The following XG variants were observed in gnomAD, a reference collection of about 807,000 sequenced individuals.
XG encodes Xg glycoprotein (Xg blood group).
A neutral mutation model predicts 25.7 loss-of-function variants in XG; 24 were observed. The ratio of observed to expected loss-of-function variants is 0.93; its 90% CI spans 0.68 to 1.31. The LOEUF is 1.31. Ranked by LOEUF, XG falls within the 40% of genes most tolerant of loss-of-function variation. XG has a pLI of 0.00. For missense variants in XG, 181 were observed against 187.6 expected (o/e 0.96, Z 0.21); for synonymous variants, 77 against 69.2 (o/e 1.11, Z -0.56).
chrX:2,757,805 C>G (rs1321269576), intron 1 of XG, among the ~76,000 whole-genome samples: 1 of 151,144 alleles, frequency 6.6e-6, no homozygotes, highest in African/African-American at 2.4e-5. Flanking sequence ...AACGCTGTTT[C>G]TACTAAAAAT....
At chrX:2,812,882 G>C (rs1204426488) in intron 10 of XG, among the ~76,000 whole-genome samples, 3 of 112,000 alleles carry the variant, frequency 2.7e-5, no homozygotes, top group Non-Finnish European at 5.6e-5. Flanking sequence ...TGAGTAAGCA[G>C]AGAGAGGCAC....
chrX:2,774,831 G>A, intron 3 of XG, 92 bp downstream of exon 3: 3 of 1,527,710 alleles, frequency 2.0e-6, no homozygotes, highest in Non-Finnish European at 1.8e-6. Flanking sequence ...CAGAACTGTG[G>A]GGTATATGAA....
In XG at chrX:2,813,642, G is replaced by A. The variant is rs146424425; in HGVS notation, c.572-722G>A. The stretch of plus-strand genomic sequence containing the variant: ...AGCTTGCACACTTTGTAGAGAAAGA[G>A]TTGTAGTAACAGAGCTACACAGATA... On this transcript the variant is annotated intron_variant, in intron 10 of 10. Coordinates refer to ENST00000644266, the MANE Select transcript of XG (RefSeq NM_001141919.2). 2.9e-3 allele frequency among the ~76,000 whole-genome samples: 332 copies of A among 112,768 alleles called. 2 individuals are homozygous for A. Among genetic ancestry groups the A allele is most frequent in the Middle Eastern group, 9.2e-3 (2 of 218 alleles).
In XG at chrX:2,779,840, T is replaced by G. The variant is rs2051080290; in HGVS notation, c.128-2226T>G. Reference sequence around the variant, plus strand: ...TTTTGTATTTTTGGTAGAGACGGGTTTTAACCATGTTGTCCAGGCTGGTTT... The same window carrying G: ...TTTTGTATTTTTGGTAGAGACGGGTGTTAACCATGTTGTCCAGGCTGGTTT... On this transcript the variant is annotated intron_variant, in intron 3 of 10. Transcript: ENST00000644266. Among the ~76,000 whole-genome samples the G allele has an allele frequency of 2.0e-5, 3 of 152,152 alleles. No homozygotes were observed. In the South Asian group the frequency reaches 6.2e-4, roughly 32 times the overall value.
chrX:2,767,687 C>A (rs1460733063), intron 1 of XG, among the ~76,000 whole-genome samples: 3 of 152,138 alleles, frequency 2.0e-5, no homozygotes, highest in African/African-American at 7.2e-5. Flanking sequence ...GGACCCCAGG[C>A]GTGGCTTTGC....
At chrX:2,813,089 G>A (rs768943348) in intron 10 of XG, among the ~76,000 whole-genome samples, 6 of 112,341 alleles carry the variant, frequency 5.3e-5, no homozygotes, top group East Asian at 2.8e-4. Flanking sequence ...AAGGAAGCAC[G>A]TTTTTGCTAA....
At chrX:2,791,089 A>G (rs750006161) in intron 5 of XG, among the ~76,000 whole-genome samples, 40 of 109,348 alleles carry the variant, frequency 3.7e-4, no homozygotes, top group Non-Finnish European at 7.0e-4. Context: ...TGTTCTACTC[A>G]CTTATTCTTC....
intron 3 of XG, chrX:2,774,979 G>C: frequency 1.7e-6 from 1 of 574,172 alleles, no homozygotes; most frequent in East Asian, 3.0e-5. Flanking sequence ...AATAACAAGT[G>C]TTGGCAAGGA....
chrX:2,752,366 G>T (rs868033610), intron 1 of XG, 31 bp downstream of exon 1: 4 of 1,612,282 alleles, frequency 2.5e-6, no homozygotes, highest in Non-Finnish European at 3.4e-6. Flanking sequence ...AGGGAGATCT[G>T]CCTGGGCATG....
At chrX:2,769,331 T>C (rs2050765645) in intron 1 of XG, among the ~76,000 whole-genome samples, 1 of 152,142 alleles carries the variant, frequency 6.6e-6, no homozygotes, top group Admixed American at 6.5e-5. Context: ...CAGGGCTTAG[T>C]GTTTGAGTGA....
chrX:2,795,682 G>A (rs2147077841), intron 6 of XG, among the ~76,000 whole-genome samples: 1 of 108,532 alleles, frequency 9.2e-6, no homozygotes, highest in Non-Finnish European at 1.9e-5. Flanking sequence ...TTTTTGAGAC[G>A]GAGTCTCGCT....
chrX:2,786,057 T>A (rs1235824299), intron 4 of XG, among the ~76,000 whole-genome samples: 1 of 110,213 alleles, frequency 9.1e-6, no homozygotes, highest in Admixed American at 9.8e-5. Flanking sequence ...TCTCTTTCCC[T>A]TAGAATTTGA....
At chrX:2,756,570 C>T (rs1430105596) in intron 1 of XG, among the ~76,000 whole-genome samples, 4 of 150,616 alleles carry the variant, frequency 2.7e-5, no homozygotes, top group Non-Finnish European at 4.4e-5. Context: ...AAGCTATGTA[C>T]ATCTGTTATG....
At chrX:2,754,378 G>A (rs1430304489) in intron 1 of XG, among the ~76,000 whole-genome samples, 1 of 152,118 alleles carries the variant, frequency 6.6e-6, no homozygotes, top group East Asian at 1.9e-4. Flanking sequence ...GAGATTACAG[G>A]CATCAGCCAC....
Position 2,794,605 on chromosome X carries a change from T to C in XG, c.322+2T>C, listed in dbSNP as rs2086866916. On this transcript the variant is annotated splice_donor_variant, in intron 6 of 10. Transcript: ENST00000644266. LOFTEE classifies it high-confidence loss of function. ...GGCCCAGGCCACGGCCGCCTGCAGG[T>C]AGGTGCCGAGCCTCCCCAGATGCGA... 4 of 1,210,000 alleles carry C rather than the reference T, an allele frequency of 3.3e-6. No homozygotes were observed. Among genetic ancestry groups the C allele is most frequent in the South Asian group, 1.8e-5 (1 of 56,556 alleles).
rs964030252 is a variant in XG at position 2,815,563 on chromosome X, A to G, written c.*1183A>G. On this transcript the variant is annotated 3_prime_UTR_variant, in exon 11 of 11. Transcript: ENST00000644266. ...CTCCCCGGTTTGTAAAATATCTTTA[A>G]TCATTCACATTAGGTACCTCGGAGT... 1.8e-5 allele frequency: 2 copies of G among 111,452 alleles called. No homozygotes were observed. Among genetic ancestry groups the G allele is most frequent in the African/African-American group, 6.5e-5 (2 of 30,668 alleles). 9.2% of individuals were successfully genotyped at this position (111,452 alleles called of 1,213,427 possible). A position where few individuals can be genotyped will look rare whatever the true frequency, so the allele number is the denominator to read the frequency against.
intron 1 of XG, among the ~76,000 whole-genome samples, chrX:2,767,781 T>C (rs1372920839): frequency 6.6e-6 from 1 of 152,176 alleles, no homozygotes; most frequent in African/African-American, 2.4e-5. Context: ...CTGGAGACTG[T>C]CTCAGTGCCC....
intron 4 of XG, among the ~76,000 whole-genome samples, chrX:2,784,675 G>A (rs967749143): frequency 9.6e-4 from 107 of 111,732 alleles, no homozygotes; most frequent in African/African-American, 3.2e-3. Flanking sequence ...ACAGCAAAGT[G>A]ATTCATGAAC....
At chrX:2,772,827 A>C (rs1430718645) in intron 2 of XG, among the ~76,000 whole-genome samples, 2 of 152,164 alleles carry the variant, frequency 1.3e-5, no homozygotes, top group Non-Finnish European at 2.9e-5. Flanking sequence ...CTTTGAATGC[A>C]TCGTTTTGCT....
Sources: gnomAD v4.1 joint callset for allele counts (sites outside exome capture counted in the v4.1 genomes callset) on GRCh38, gnomAD v4.1.1 for gene constraint, MANE v1.5 for transcripts, NCBI Gene and HGNC (gene_info 2026-07-23, HGNC 2026-07-21) for gene names.